SLC2A13: variants seen among roughly 807,000 people sequenced by gnomAD.
The protein encoded by SLC2A13 is solute carrier family 2 member 13.
SLC2A13 carries 32 observed loss-of-function variants against 64.4 expected under a neutral mutation model. That is an observed-to-expected ratio of 0.50 (90% CI 0.37 to 0.67). The LOEUF (loss-of-function observed/expected upper bound fraction) is 0.67. Ranked by LOEUF, SLC2A13 falls within the 30% of genes least tolerant of loss-of-function variation. SLC2A13 has a pLI of 0.00. For synonymous variants in SLC2A13, 338 were observed against 327.1 expected (o/e 1.03, Z -0.36); for missense variants, 743 against 829.2 (o/e 0.90, Z 1.28).
intron 3 of SLC2A13, among the ~76,000 whole-genome samples, chr12:39,987,952 C>T (rs1947058568): frequency 6.6e-6 from 1 of 151,970 alleles, no homozygotes; most frequent in Non-Finnish European, 1.5e-5. Flanking sequence ...GTGAAATCCC[C>T]CACTGACCCT....
chr12:39,981,391 G>C (rs1419418253), intron 3 of SLC2A13, among the ~76,000 whole-genome samples: 2 of 151,960 alleles, frequency 1.3e-5, no homozygotes, highest in African/African-American at 2.4e-5. Flanking sequence ...CCAGGAGCTG[G>C]TTTTTTGAAA....
At chr12:39,944,577 C>T (rs1360589111) in intron 4 of SLC2A13, among the ~76,000 whole-genome samples, 1 of 152,200 alleles carries the variant, frequency 6.6e-6, no homozygotes, top group East Asian at 1.9e-4. Flanking sequence ...TGGACAAGGC[C>T]TTTTACCATT....
chr12:39,951,331 G>A lies in SLC2A13; in HGVS notation c.960C>T (p.Pro320=). Residue 320 remains proline (P), a synonymous_variant, in exon 4 of 10, where the codon CCC becomes CCT. Coordinates refer to ENST00000280871, the MANE Select transcript of SLC2A13 (RefSeq NM_052885.4). ...GPVICRMLSY[P]PTRRALIVGC... is the part of the protein sequence containing the mutation. The stretch of plus-strand genomic sequence containing the variant: ...CCACAATTAAAGCTCGGCGAGTTGG[G>A]GGATAACTCAGCATTCTGCAGATCA... 1 of 1,610,618 alleles carries A rather than the reference G, an allele frequency of 6.2e-7. No homozygotes were observed. The highest frequency in any genetic ancestry group is 2.2e-5 in the East Asian group (1 of 44,716).
At chr12:39,909,986 G>C (rs1945390295) in intron 4 of SLC2A13, among the ~76,000 whole-genome samples, 1 of 151,526 alleles carries the variant, frequency 6.6e-6, no homozygotes, top group East Asian at 1.9e-4. Context: ...ATAAATCATA[G>C]ATATCTTTTT....
At chr12:39,815,819 T>C (rs1942323235) in intron 7 of SLC2A13, among the ~76,000 whole-genome samples, 2 of 152,166 alleles carry the variant, frequency 1.3e-5, no homozygotes, top group Admixed American at 6.5e-5. Context: ...TGTTAAGTTA[T>C]AGCACAGTAC....
At position 39,828,152 on chromosome 12, in the gene SLC2A13, C is replaced by T. The variant is rs531322104; in HGVS notation, c.1445+1951G>A. Among the ~76,000 whole-genome samples, 208 of 152,194 alleles carry T rather than the reference C, an allele frequency of 1.4e-3. 1 individual carries two copies. The highest frequency in any genetic ancestry group is 1.7e-3 in the Non-Finnish European group (113 of 68,008). ...AAGAATTTTTCATGGTGAACACATC[C>T]TGCCTTTTTGCTCTTTTCTAGCCAA... On this transcript the variant is annotated intron_variant, in intron 7 of 9. Coordinates refer to ENST00000280871, the MANE Select transcript of SLC2A13 (RefSeq NM_052885.4).
At chr12:40,078,056 G>A (rs1293358980) in intron 1 of SLC2A13, among the ~76,000 whole-genome samples, 1 of 152,166 alleles carries the variant, frequency 6.6e-6, no homozygotes, top group Non-Finnish European at 1.5e-5. Context: ...TCTGGAGAGA[G>A]AGTATGGGGT....
intron 4 of SLC2A13, among the ~76,000 whole-genome samples, chr12:39,913,526 T>C (rs1945466316): frequency 6.6e-6 from 1 of 151,038 alleles, no homozygotes; most frequent in Non-Finnish European, 1.5e-5. Flanking sequence ...AAAAAAAATC[T>C]AGCATTAAAT....
rs1253474626 is a variant in SLC2A13, at chr12:39,781,093, C to T, written c.1446-16235G>A. ...GATTAAGCATTTTAACTGCAATTGC[C>T]TTTTTTTTACTCACTTCCTGATTTG... On this transcript the variant is annotated intron_variant, in intron 7 of 9. Transcript: ENST00000280871. Among the ~76,000 whole-genome samples, 6 of 151,894 alleles carry T rather than the reference C, an allele frequency of 4.0e-5. No homozygotes were observed. In the East Asian group the frequency reaches 1.2e-3, roughly 29 times the overall value.
intron 7 of SLC2A13, among the ~76,000 whole-genome samples, chr12:39,820,200 C>T (rs1382870443): frequency 6.6e-6 from 1 of 152,050 alleles, no homozygotes. Context: ...GTTGGTTAAT[C>T]CTTGGAACTA....
At chr12:39,994,312 G>A (rs2136171265) in intron 3 of SLC2A13, among the ~76,000 whole-genome samples, 1 of 151,644 alleles carries the variant, frequency 6.6e-6, no homozygotes, top group African/African-American at 2.4e-5. Flanking sequence ...GAACCCGGGA[G>A]GCGGAGCTTG....
intron 4 of SLC2A13, among the ~76,000 whole-genome samples, chr12:39,929,171 G>T (rs1203381386): frequency 6.6e-6 from 1 of 152,142 alleles, no homozygotes; most frequent in Non-Finnish European, 1.5e-5. Context: ...GAGTTTCATG[G>T]TCTCAAAACT....
At chr12:39,924,587 T>C (rs1335630571) in intron 4 of SLC2A13, among the ~76,000 whole-genome samples, 1 of 152,200 alleles carries the variant, frequency 6.6e-6, no homozygotes, top group Non-Finnish European at 1.5e-5. Context: ...ACTATTTATC[T>C]ACTATAAATA....
chr12:39,863,237 C>T (rs949989857), intron 6 of SLC2A13, among the ~76,000 whole-genome samples: 1 of 152,072 alleles, frequency 6.6e-6, no homozygotes, highest in African/African-American at 2.4e-5. Flanking sequence ...TAAGGATTAA[C>T]AGACTGATGA....
At chr12:39,787,851 A>G (rs1317836541) in intron 7 of SLC2A13, among the ~76,000 whole-genome samples, 1 of 152,166 alleles carries the variant, frequency 6.6e-6, no homozygotes, top group Non-Finnish European at 1.5e-5. Context: ...GTTTACTGAT[A>G]ATTCACTTCT....
At chr12:39,825,043 T>C (rs1468196925) in intron 7 of SLC2A13, among the ~76,000 whole-genome samples, 2 of 152,156 alleles carry the variant, frequency 1.3e-5, no homozygotes, top group African/African-American at 4.8e-5. Context: ...AGAGTGCAGC[T>C]TTGAGAAAAA....
intron 6 of SLC2A13, among the ~76,000 whole-genome samples, chr12:39,850,284 A>G (rs1242566052): frequency 1.3e-5 from 2 of 152,196 alleles, no homozygotes; most frequent in African/African-American, 4.8e-5. Flanking sequence ...ATATTTTTCA[A>G]CAATCTAGGT....
chr12:39,999,038 T>C (rs1380343363), intron 3 of SLC2A13, among the ~76,000 whole-genome samples: 1 of 152,164 alleles, frequency 6.6e-6, no homozygotes, highest in Non-Finnish European at 1.5e-5. Flanking sequence ...ATTGTGAAGA[T>C]TTCATGGACA....
chr12:39,842,787 C>T (rs1943209686), intron 6 of SLC2A13, among the ~76,000 whole-genome samples: 1 of 151,940 alleles, frequency 6.6e-6, no homozygotes, highest in Admixed American at 6.6e-5. Context: ...CACTTTTCAT[C>T]ACCCCCTGGC....
Sources: allele counts gnomAD v4.1 joint callset (sites outside exome capture counted in the v4.1 genomes callset), GRCh38; gene constraint gnomAD v4.1.1; transcripts MANE v1.5; gene names NCBI Gene and HGNC (gene_info 2026-07-23, HGNC 2026-07-21).